Variants in PCDHA9 observed in about 807,000 individuals in gnomAD.
The protein encoded by PCDHA9 is protocadherin alpha 9.
In PCDHA9, 62 loss-of-function variants were observed where a neutral mutation model predicts 62.0. The observed-to-expected ratio is 1.00, with a 90% confidence interval of 0.81 to 1.23. The LOEUF (loss-of-function observed/expected upper bound fraction) is 1.23. Among genes scored for constraint, PCDHA9 ranks in the 50% most tolerant of loss-of-function variants. PCDHA9 has a pLI of 0.00. For missense variants in PCDHA9, 1,205 were observed against 1,249.8 expected, an observed-to-expected ratio of 0.96 and a Z score of 0.54; for synonymous variants, 557 against 567.6, an observed-to-expected ratio of 0.98 and a Z score of 0.27.
At chr5:140,871,564 C>A (rs782409405) in intron 1 of PCDHA9, 7 of 1,482,594 alleles carry the variant, frequency 4.7e-6, no homozygotes, top group Non-Finnish European at 6.3e-6. Context: ...TTTTTTTTCA[C>A]GGATTTTTTA....
intron 1 of PCDHA9, chr5:140,851,576 G>C: frequency 1.1e-6 from 1 of 913,534 alleles, no homozygotes; most frequent in Non-Finnish European, 1.3e-6. Context: ...TCTACACTTA[G>C]AACATTTTTT....
At chr5:140,851,062 AGTGAGAATTATAAACT>A in intron 1 of PCDHA9, 173 bp downstream of exon 1, 1 of 1,372,160 alleles carries the variant, frequency 7.3e-7, no homozygotes, top group Non-Finnish European at 9.6e-7. Context: ...CTTGACTTCT[AGTGAGAATTATAAACT>A]GTATATTAAA....
chr5:140,927,265 C>G lies in PCDHA9; in HGVS notation c.2395-51684C>G, dbSNP rs2084026948. The G allele has an allele frequency of 6.2e-7, 1 of 1,614,168 alleles. No individual in the cohort carries two copies. Among genetic ancestry groups the G allele is most frequent in the Non-Finnish European group, 8.5e-7 (1 of 1,180,038 alleles). On this transcript the variant is annotated intron_variant, in intron 1 of 3. Coordinates refer to ENST00000532602, the MANE Select transcript of PCDHA9 (RefSeq NM_031857.2). ...CACCAATGACAACTCACCTCTCTTTCCTGCCGGCGACGTGCAGCTGCACAT... is the reference window on the plus strand; with the variant it reads ...CACCAATGACAACTCACCTCTCTTTGCTGCCGGCGACGTGCAGCTGCACAT...
At chr5:140,893,083 T>C (rs2063812039) in intron 1 of PCDHA9, among the ~76,000 whole-genome samples, 1 of 152,266 alleles carries the variant, frequency 6.6e-6, no homozygotes, top group Non-Finnish European at 1.5e-5. Flanking sequence ...GATTTCATTC[T>C]TTTTTATGGC....
chr5:140,909,516 C>G (rs1213307040), intron 1 of PCDHA9, among the ~76,000 whole-genome samples: 1 of 152,152 alleles, frequency 6.6e-6, no homozygotes, highest in Non-Finnish European at 1.5e-5. Context: ...GAATCACAAC[C>G]CCTGCACATT....
chr5:140,876,620 G>A lies in PCDHA9; in HGVS notation c.2394+25731G>A, dbSNP rs782423759. The A allele has an allele frequency of 1.1e-5, 18 of 1,614,062 alleles. No homozygotes were observed. The highest frequency in any genetic ancestry group is 1.7e-5 in the Admixed American group (1 of 60,010). Reference sequence around the variant, plus strand: ...TCGGATCGTGACTCTGGAGCCAATGGACAGGTCATCTGCTCACTGACACCT... The same window carrying A: ...TCGGATCGTGACTCTGGAGCCAATGAACAGGTCATCTGCTCACTGACACCT... On this transcript the variant is annotated intron_variant, in intron 1 of 3. Coordinates refer to ENST00000532602, the MANE Select transcript of PCDHA9 (RefSeq NM_031857.2).
chr5:140,931,693 A>G (rs1001252056), intron 1 of PCDHA9, among the ~76,000 whole-genome samples: 1 of 152,004 alleles, frequency 6.6e-6, no homozygotes, highest in African/African-American at 2.4e-5. Context: ...ATTGTGATTC[A>G]TAAAACCATG....
At chr5:140,952,125 AG>A (rs1234128402) in intron 1 of PCDHA9, among the ~76,000 whole-genome samples, 1 of 152,092 alleles carries the variant, frequency 6.6e-6, no homozygotes, top group Non-Finnish European at 1.5e-5. Context: ...TGGGCTCCCA[AG>A]GCCTTGGGAA....
At chr5:140,993,468 A>G (rs1327306188) in intron 3 of PCDHA9, among the ~76,000 whole-genome samples, 1 of 69,412 alleles carries the variant, frequency 1.4e-5, no homozygotes, top group African/African-American at 5.6e-5. Context: ...TTTCTCACAC[A>G]CACACACACA....
At chr5:141,009,488 C>T (rs2098409682) in intron 3 of PCDHA9, 139 bp from the exon 4 acceptor site, 4 of 1,469,622 alleles carry the variant, frequency 2.7e-6, no homozygotes, top group Non-Finnish European at 3.6e-6. Context: ...CTTGCCTTGC[C>T]CTCAGACTTG....
chr5:140,880,810 T>C (rs552209492), intron 1 of PCDHA9, among the ~76,000 whole-genome samples: 90 of 152,330 alleles, frequency 5.9e-4, no homozygotes, highest in Non-Finnish European at 1.1e-3. Flanking sequence ...TGAATGACTC[T>C]AGAGTGTCTG....
chr5:140,925,088 A>G (rs536355365), intron 1 of PCDHA9, among the ~76,000 whole-genome samples: 11 of 151,436 alleles, frequency 7.3e-5, no homozygotes, highest in African/African-American at 2.7e-4. Context: ...CTGGAAAGGA[A>G]GGAAGGAAGG....
intron 1 of PCDHA9, chr5:140,967,339 G>A (rs2153751436): frequency 6.2e-7 from 1 of 1,607,904 alleles, no homozygotes; most frequent in Non-Finnish European, 8.5e-7. Context: ...GCCCCAGCGA[G>A]CACTTCGAGC....
chr5:140,982,120 T>C (rs1554243763), intron 2 of PCDHA9, among the ~76,000 whole-genome samples: 1 of 152,256 alleles, frequency 6.6e-6, no homozygotes, highest in Non-Finnish European at 1.5e-5. Context: ...CTTGGAACTT[T>C]TGAGAACAAG....
intron 1 of PCDHA9, chr5:140,966,716 G>T: frequency 1.4e-6 from 2 of 1,394,682 alleles, no homozygotes; most frequent in Non-Finnish European, 9.2e-7. Context: ...CACGGCTGGG[G>T]AAGCTGCCGC....
intron 3 of PCDHA9, among the ~76,000 whole-genome samples, chr5:140,990,570 C>T (rs142596715): frequency 7.2e-4 from 110 of 152,260 alleles, no homozygotes; most frequent in African/African-American, 2.4e-3. Context: ...CACACCTGTT[C>T]GATCTCTTTT....
chr5:140,928,551 G>T, intron 1 of PCDHA9: 2 of 1,614,164 alleles, frequency 1.2e-6, no homozygotes, highest in Non-Finnish European at 1.7e-6. Context: ...ACAATTATCC[G>T]GTTATCTTGT....
chr5:140,939,560 T>C (rs2153641939), intron 1 of PCDHA9, among the ~76,000 whole-genome samples: 1 of 151,934 alleles, frequency 6.6e-6, no homozygotes, highest in African/African-American at 2.4e-5. Flanking sequence ...TGTATTAGTT[T>C]GGTTAATCAA....
intron 1 of PCDHA9, among the ~76,000 whole-genome samples, chr5:140,941,621 G>A (rs552509224): frequency 6.6e-6 from 1 of 151,808 alleles, no homozygotes; most frequent in South Asian, 2.1e-4. Context: ...AGCCCATCCT[G>A]CTTCTTAATT....
Sources: gnomAD v4.1 joint callset for allele counts (sites outside exome capture counted in the v4.1 genomes callset) on GRCh38, gnomAD v4.1.1 for gene constraint, MANE v1.5 for transcripts, NCBI Gene and HGNC (gene_info 2026-07-23, HGNC 2026-07-21) for gene names.